The following SPAG16 variants were observed in gnomAD, a reference collection of about 807,000 sequenced individuals.
SPAG16 encodes sperm associated antigen 16.
A neutral mutation model predicts 80.4 loss-of-function variants in SPAG16; 86 were observed. The observed-to-expected ratio is 1.07, with a 90% CI of 0.90 to 1.28. SPAG16 has a LOEUF of 1.28. Ranked by LOEUF, SPAG16 falls within the 50% of genes most tolerant of loss-of-function variation. The pLI is 0.00. For synonymous variants in SPAG16, 294 were observed against 265.9 expected (o/e 1.11, Z -1.03); for missense variants, 870 against 765.3 (o/e 1.14, Z -1.61).
rs1248712848 is a variant in SPAG16 at position 213,433,905 on chromosome 2, TTTTC to T, written c.943-56054_943-56051del. 4.1e-5 allele frequency among the ~76,000 whole-genome samples: 6 copies of T among 144,746 alleles called. No homozygotes were observed. The South Asian group carries it at 6.6e-4, about 16-fold the overall frequency. The allele number at this position is 144,746 out of a possible 152,430, so 95.0% of individuals were successfully genotyped here. ...GGAAAGGACACTCTTCTTTTTTCCT[TTTTC>T]TTTGTCTTTTTTTTTTTTTTTTTTT... On this transcript the variant is annotated intron_variant, in intron 9 of 15. Transcript: ENST00000331683.
intron 11 of SPAG16, among the ~76,000 whole-genome samples, chr2:213,881,788 AG>A (rs144841441): frequency 0.01 from 1,576 of 152,296 alleles, 35 homozygotes; most frequent in African/African-American, 0.035. Flanking sequence ...TTACAATTTA[AG>A]ATGTGATTTG....
chr2:213,896,353 GTAAATTTGCATAGC>G (rs1289072890), intron 11 of SPAG16, among the ~76,000 whole-genome samples: 1 of 151,854 alleles, frequency 6.6e-6, no homozygotes, highest in Non-Finnish European at 1.5e-5. Context: ...TGGTGGGAAT[GTAAATTTGCATAGC>G]TACTATGGAG....
chr2:214,035,410 AAGGG>A (rs2125067013), intron 13 of SPAG16, among the ~76,000 whole-genome samples: 1 of 152,280 alleles, frequency 6.6e-6, no homozygotes, highest in South Asian at 2.1e-4. Context: ...CATTCATGCC[AAGGG>A]AAACCTGTAG....
intron 12 of SPAG16, among the ~76,000 whole-genome samples, chr2:213,940,807 A>T (rs897592526): frequency 1.3e-5 from 2 of 152,166 alleles, no homozygotes; most frequent in African/African-American, 4.8e-5. Flanking sequence ...TAACAAACAC[A>T]CATAAATTGT....
chr2:214,073,201 A>C (rs9653342), intron 13 of SPAG16, among the ~76,000 whole-genome samples: 2,612 of 151,828 alleles, frequency 0.017, 76 homozygotes, highest in African/African-American at 0.06. Context: ...CTATGCTAAA[A>C]ACTAAAAAAT....
intron 9 of SPAG16, among the ~76,000 whole-genome samples, chr2:213,425,795 T>C (rs1399751424): frequency 6.6e-6 from 1 of 152,150 alleles, no homozygotes; most frequent in African/African-American, 2.4e-5. Context: ...TTTTAACAAT[T>C]AAAAATTTTA....
chr2:214,279,318 A>C (rs372493108), intron 15 of SPAG16, among the ~76,000 whole-genome samples: 9 of 152,156 alleles, frequency 5.9e-5, no homozygotes, highest in Non-Finnish European at 1.0e-4. Flanking sequence ...GATGGTCTCA[A>C]TCTCTTGACC....
chr2:214,172,152 A>T (rs2056892097), intron 15 of SPAG16, among the ~76,000 whole-genome samples: 2 of 151,706 alleles, frequency 1.3e-5, no homozygotes, highest in East Asian at 1.9e-4. Flanking sequence ...TGTGCAGGTT[A>T]GTTACATATG....
At chr2:213,669,321 A>G (rs1195474104) in intron 10 of SPAG16, among the ~76,000 whole-genome samples, 1 of 152,216 alleles carries the variant, frequency 6.6e-6, no homozygotes, top group Admixed American at 6.5e-5. Flanking sequence ...GGGATAGAAG[A>G]GTAAACATTC....
intron 10 of SPAG16, among the ~76,000 whole-genome samples, chr2:213,754,831 T>C (rs1263630385): frequency 6.6e-6 from 1 of 152,214 alleles, no homozygotes; most frequent in Non-Finnish European, 1.5e-5. Context: ...TGTTAAGCAA[T>C]GTGATTTTGA....
intron 10 of SPAG16, among the ~76,000 whole-genome samples, chr2:213,725,511 T>G (rs1452000670): frequency 6.6e-6 from 1 of 152,166 alleles, no homozygotes; most frequent in African/African-American, 2.4e-5. Context: ...TGGCACAGAA[T>G]TCCAACAAAG....
intron 15 of SPAG16, among the ~76,000 whole-genome samples, chr2:214,336,556 T>A (rs1179874221): frequency 2.0e-5 from 3 of 152,126 alleles, no homozygotes; most frequent in African/African-American, 7.2e-5. Flanking sequence ...CAAACATGTA[T>A]ATAAATATAA....
At chr2:213,744,308 C>T (rs1384848180) in intron 10 of SPAG16, among the ~76,000 whole-genome samples, 1 of 152,060 alleles carries the variant, frequency 6.6e-6, no homozygotes, top group Non-Finnish European at 1.5e-5. Context: ...AGAATCTCCT[C>T]CTTGATTTTC....
intron 12 of SPAG16, among the ~76,000 whole-genome samples, chr2:213,939,465 G>A (rs148524637): frequency 6.6e-6 from 1 of 152,308 alleles, no homozygotes; most frequent in East Asian, 1.9e-4. Context: ...GATGTCATGT[G>A]TGAATCCTAG....
In SPAG16 at chr2:214,291,049, G is replaced by T. The variant is rs180769345; in HGVS notation, c.1721-119091G>T. 2.5e-3 allele frequency among the ~76,000 whole-genome samples: 375 copies of T among 152,114 alleles called. 2 individuals are homozygous for T. The highest frequency in any genetic ancestry group is 8.6e-3 in the African/African-American group (359 of 41,512). ...ATGAATTTGGGTGATTTAGTGTTGG[G>T]TGTATATATATTTAGAATTGTTATT... On this transcript the variant is annotated intron_variant, in intron 15 of 15. Coordinates refer to ENST00000331683, the MANE Select transcript of SPAG16 (RefSeq NM_024532.5).
chr2:213,737,014 T>C (rs1215982180), intron 10 of SPAG16, among the ~76,000 whole-genome samples: 1 of 152,192 alleles, frequency 6.6e-6, no homozygotes, highest in Non-Finnish European at 1.5e-5. Flanking sequence ...CCCAATGCTG[T>C]TGATCTTTTC....
chr2:214,208,494 C>T (rs139486081), intron 15 of SPAG16, among the ~76,000 whole-genome samples: 2 of 152,200 alleles, frequency 1.3e-5, no homozygotes, highest in Non-Finnish European at 2.9e-5. Flanking sequence ...CTTTTTCAAA[C>T]TATTTCAGTT....
intron 7 of SPAG16, among the ~76,000 whole-genome samples, chr2:213,354,323 T>C (rs967060635): frequency 2.0e-5 from 3 of 152,222 alleles, no homozygotes; most frequent in African/African-American, 7.2e-5. Context: ...TCCTTGCTAT[T>C]GTGAACGGTG....
rs552790907 is a variant in SPAG16 at position 214,395,701 on chromosome 2, C to T, written c.1721-14439C>T. On this transcript the variant is annotated intron_variant, in intron 15 of 15. Coordinates refer to ENST00000331683, the MANE Select transcript of SPAG16 (RefSeq NM_024532.5). The stretch of plus-strand genomic sequence containing the variant: ...CTCCCACCCTCCACCCTCAAGTAGG[C>T]CCTGGTGTCTATTTTTTTTTCCTTT... Among the ~76,000 whole-genome samples the T allele has an allele frequency of 1.8e-3, 267 of 152,020 alleles. 1 individual carries two copies. The highest frequency in any genetic ancestry group is 6.0e-3 in the African/African-American group (248 of 41,486).
Sources: allele counts gnomAD v4.1 joint callset (sites outside exome capture counted in the v4.1 genomes callset), GRCh38; gene constraint gnomAD v4.1.1; transcripts MANE v1.5; gene names NCBI Gene and HGNC (gene_info 2026-07-23, HGNC 2026-07-21).